The following ME1 variants were observed in gnomAD, a reference collection of about 807,000 sequenced individuals.
The protein encoded by ME1 is malic enzyme 1.
Under a neutral mutation model 66.4 loss-of-function variants are expected in ME1, and 74 were observed. That is an observed-to-expected ratio of 1.11 (90% CI 0.92 to 1.35). ME1 has a LOEUF of 1.35. Ranked by LOEUF, ME1 falls within the 40% of genes most tolerant of loss-of-function variation. The pLI is 0.00. For missense variants in ME1, 750 were observed against 694.1 expected, an observed-to-expected ratio of 1.08 and a Z score of -0.90; for synonymous variants, 251 against 235.6, an observed-to-expected ratio of 1.07 and a Z score of -0.60.
At chr6:83,287,724 G>A (rs4826425) in intron 6 of ME1, among the ~76,000 whole-genome samples, 20 of 152,072 alleles carry the variant, frequency 1.3e-4, no homozygotes, top group Non-Finnish European at 2.1e-4. Flanking sequence ...TTAAGGAATC[G>A]CCACACTGTC....
At chr6:83,245,507 G>A (rs1790602389) in intron 7 of ME1, among the ~76,000 whole-genome samples, 2 of 152,092 alleles carry the variant, frequency 1.3e-5, no homozygotes, top group Admixed American at 6.6e-5. Flanking sequence ...CCAGGTTCAA[G>A]CGATTCTCCT....
chr6:83,283,201 CT>C (rs1285914985), intron 6 of ME1, among the ~76,000 whole-genome samples: 1 of 112,770 alleles, frequency 8.9e-6, no homozygotes, highest in Non-Finnish European at 1.8e-5. Flanking sequence ...GCACTCCAGC[CT>C]GGGCGACAGA....
At chr6:83,314,735 A>T (rs1347583543) in intron 6 of ME1, among the ~76,000 whole-genome samples, 1 of 152,096 alleles carries the variant, frequency 6.6e-6, no homozygotes, top group Non-Finnish European at 1.5e-5. Context: ...TGGATAAGAG[A>T]CTCTCAACCT....
chr6:83,294,054 A>G (rs570208143), intron 6 of ME1, among the ~76,000 whole-genome samples: 1 of 152,358 alleles, frequency 6.6e-6, no homozygotes, highest in East Asian at 1.9e-4. Context: ...TTGTAACCAG[A>G]AAACAACATA....
intron 3 of ME1, among the ~76,000 whole-genome samples, chr6:83,396,349 GTC>G (rs1183507815): frequency 4.6e-5 from 7 of 152,134 alleles, no homozygotes; most frequent in African/African-American, 1.7e-4. Flanking sequence ...AAGTAAGATT[GTC>G]TCAAAACAAT....
chr6:83,227,302 A>G, intron 11 of ME1, 33 bp downstream of exon 11: 2 of 1,414,328 alleles, frequency 1.4e-6, no homozygotes, highest in Non-Finnish European at 1.9e-6. Context: ...TAAAAATTTG[A>G]TTATTAAAAT....
chr6:83,379,140 A>G (rs559356016), intron 3 of ME1, among the ~76,000 whole-genome samples: 2 of 152,258 alleles, frequency 1.3e-5, no homozygotes, highest in African/African-American at 4.8e-5. Flanking sequence ...TAATAAAGAA[A>G]CCATACTACC....
chr6:83,296,501 AT>A (rs1394721724), intron 6 of ME1, among the ~76,000 whole-genome samples: 1 of 152,238 alleles, frequency 6.6e-6, no homozygotes, highest in Non-Finnish European at 1.5e-5. Flanking sequence ...TAAACTATGT[AT>A]TGAAGGAACA....
chr6:83,405,578 G>C (rs1769923364), intron 2 of ME1, among the ~76,000 whole-genome samples: 1 of 152,202 alleles, frequency 6.6e-6, no homozygotes, highest in African/African-American at 2.4e-5. Context: ...TCCTTGTCTT[G>C]TACCGGTTTT....
chr6:83,298,949 T>G (rs1278689512), intron 6 of ME1, among the ~76,000 whole-genome samples: 5 of 130,328 alleles, frequency 3.8e-5, no homozygotes, highest in South Asian at 2.8e-4. Flanking sequence ...TTTTTTTTTT[T>G]TTTTTTTTTT....
At chr6:83,265,698 A>G (rs902093698) in intron 6 of ME1, among the ~76,000 whole-genome samples, 2 of 152,176 alleles carry the variant, frequency 1.3e-5, no homozygotes, top group African/African-American at 4.8e-5. Context: ...AAGCTGCAAT[A>G]TCTTTGAGGT....
At chr6:83,372,710 C>CT (rs1769212045) in intron 3 of ME1, among the ~76,000 whole-genome samples, 3 of 152,274 alleles carry the variant, frequency 2.0e-5, no homozygotes, top group Admixed American at 1.3e-4. Flanking sequence ...CAGGTAAACT[C>CT]TAACACTAGA....
chr6:83,411,934 C>T (rs889547318), intron 1 of ME1, among the ~76,000 whole-genome samples: 1 of 152,158 alleles, frequency 6.6e-6, no homozygotes, highest in Non-Finnish European at 1.5e-5. Flanking sequence ...CTGCTAAGGG[C>T]AGCAAACAGG....
At chr6:83,233,384 C>T (rs1790338688) in intron 9 of ME1, among the ~76,000 whole-genome samples, 2 of 151,896 alleles carry the variant, frequency 1.3e-5, no homozygotes, top group African/African-American at 4.8e-5. Context: ...GAGTATGATC[C>T]ATAACCAAGT....
chr6:83,296,286 C>T (rs965789200), intron 6 of ME1, among the ~76,000 whole-genome samples: 1 of 152,108 alleles, frequency 6.6e-6, no homozygotes, highest in African/African-American at 2.4e-5. Context: ...GACTTGCAAA[C>T]TGAATCCAGC....
At chr6:83,246,889 T>C (rs1350784473) in intron 7 of ME1, among the ~76,000 whole-genome samples, 1 of 152,142 alleles carries the variant, frequency 6.6e-6, no homozygotes, top group African/African-American at 2.4e-5. Context: ...ACAAAAATCT[T>C]TGCTAGCTTG....
At chr6:83,365,475 C>G (rs752767729) in intron 3 of ME1, among the ~76,000 whole-genome samples, 2 of 152,192 alleles carry the variant, frequency 1.3e-5, no homozygotes, top group Non-Finnish European at 2.9e-5. Flanking sequence ...AATGAAAGAG[C>G]ATGATGCAGA....
intron 3 of ME1, chr6:83,393,444 CGG>C (rs1394708778): frequency 1.0e-5 from 6 of 580,112 alleles, no homozygotes; most frequent in Non-Finnish European, 1.9e-5. Flanking sequence ...GACAGCACGA[CGG>C]GAAGAGAGCG....
chr6:83,287,313 C>T (rs1767413954), intron 6 of ME1, among the ~76,000 whole-genome samples: 1 of 152,140 alleles, frequency 6.6e-6, no homozygotes, highest in Non-Finnish European at 1.5e-5. Context: ...TAGCTCCACA[C>T]CCACCACAGG....
Sources: gnomAD v4.1 joint callset for allele counts (sites outside exome capture counted in the v4.1 genomes callset) on GRCh38, gnomAD v4.1.1 for gene constraint, MANE v1.5 for transcripts, NCBI Gene and HGNC (gene_info 2026-07-23, HGNC 2026-07-21) for gene names.